PM20D1: variants seen among roughly 807,000 people sequenced by gnomAD.
The protein encoded by PM20D1 is peptidase M20 domain containing 1, also known as N-fatty-acyl-amino acid synthase/hydrolase PM20D1.
Under a neutral mutation model 53.8 loss-of-function variants are expected in PM20D1, and 53 were observed. That is an observed-to-expected ratio of 0.98 (90% confidence interval 0.79 to 1.24). PM20D1 has a LOEUF of 1.24. PM20D1 is among the 50% of genes most tolerant of loss of function. The pLI is 0.00. For missense variants in PM20D1, 564 were observed against 616.8 expected (o/e 0.91, Z 0.91); for synonymous variants, 239 against 241.3 (o/e 0.99, Z 0.09).
chr1:205,828,692 C>G lies in PM20D1; in HGVS notation c.1437G>C (p.Val479=), dbSNP rs775177693. The change falls in exon 13 of 13, where the codon GTG becomes GTC. Residue 479 remains valine (V), a synonymous_variant. Coordinates refer to ENST00000367136, the MANE Select transcript of PM20D1 (RefSeq NM_152491.5). ...TCTGAATCAACTCAAAGATGAATTT[C>G]ACTTGGGTCTCATAGGCTTGGACTG... ...KISVQAYETQ[V]KFIFELIQNA... The G allele has an allele frequency of 6.2e-7, 1 of 1,614,164 alleles. No homozygotes were observed. The highest frequency in any genetic ancestry group is 1.1e-5 in the South Asian group (1 of 91,076).
At chr1:205,838,755 T>C (rs1411938079) in intron 10 of PM20D1, among the ~76,000 whole-genome samples, 1 of 152,248 alleles carries the variant, frequency 6.6e-6, no homozygotes. Context: ...GAACTTGTTT[T>C]AATTTCTGAA....
intron 2 of PM20D1, among the ~76,000 whole-genome samples, chr1:205,846,614 T>A (rs1046994009): frequency 2.2e-4 from 34 of 151,988 alleles, no homozygotes; most frequent in African/African-American, 8.2e-4. Context: ...TTCAGAGACA[T>A]TTTTCTTTTT....
Position 205,841,831 on chromosome 1 carries a change from T to C in PM20D1, c.1024A>G (p.Ile342Val), listed in dbSNP as rs1156529808. The part of the protein sequence containing the change: ...AIIRTTTALT[I>V]FKAGVKFNVI... ...GTTACCTTGACCCCTGCTTTGAATA[T>C]GGTGAGTGCCGTGGTGGTCCTGATT... The change falls in exon 9 of 13, where the codon ATA (isoleucine) becomes GTA (valine). Residue 342 changes from isoleucine (I) to valine (V), a missense_variant. Coordinates refer to ENST00000367136, the MANE Select transcript of PM20D1 (RefSeq NM_152491.5). 3.8e-6 allele frequency: 6 copies of C among 1,569,880 alleles called. No individual in the cohort carries two copies. Among genetic ancestry groups the C allele is most frequent in the Non-Finnish European group, 5.2e-6 (6 of 1,154,576 alleles).
At chr1:205,833,548 C>A (rs570748529) in intron 10 of PM20D1, among the ~76,000 whole-genome samples, 1 of 152,316 alleles carries the variant, frequency 6.6e-6, no homozygotes, top group African/African-American at 2.4e-5. Flanking sequence ...CTCTTTGCTT[C>A]GTTTCCTTGG....
intron 12 of PM20D1, 103 bp downstream of exon 12, chr1:205,830,177 C>A: frequency 1.1e-6 from 1 of 894,190 alleles, no homozygotes; most frequent in South Asian, 1.6e-5. Flanking sequence ...CAAATCCTGG[C>A]TTTCCCCCTG....
intron 10 of PM20D1, among the ~76,000 whole-genome samples, chr1:205,832,973 G>A (rs745768150): frequency 2.6e-5 from 4 of 152,132 alleles, no homozygotes. Context: ...GCAACCTACA[G>A]CATGATAGAT....
At chr1:205,839,737 T>C (rs1253327805) in intron 10 of PM20D1, among the ~76,000 whole-genome samples, 1 of 150,544 alleles carries the variant, frequency 6.6e-6, no homozygotes, top group Non-Finnish European at 1.5e-5. Context: ...ATACAAAAAA[T>C]ACAAAATACT....
At chr1:205,833,101 T>C (rs921890954) in intron 10 of PM20D1, among the ~76,000 whole-genome samples, 1 of 152,188 alleles carries the variant, frequency 6.6e-6, no homozygotes, top group African/African-American at 2.4e-5. Context: ...GGCTGGAAAA[T>C]TGACTACTGG....
Position 205,850,056 on chromosome 1 carries a change from A to T in PM20D1, c.17T>A (p.Val6Asp), listed in dbSNP as rs754962618. ...CATAGCCACCAGGGCCAGCACGCAA[A>T]CGCACCGCTGAGCCATGCTTCTCTC... MAQRC[V>D]CVLALVAMLL... Residue 6 changes from valine to aspartate, a missense_variant, in exon 1 of 13, where the codon GTT becomes GAT. By Grantham distance (152) the Val-to-Asp change is radical (BLOSUM62 -3). Coordinates refer to ENST00000367136, the MANE Select transcript of PM20D1 (RefSeq NM_152491.5). 3.1e-6 allele frequency: 5 copies of T among 1,613,810 alleles called. No individual in the cohort carries two copies. Among genetic ancestry groups the T allele is most frequent in the Admixed American group, 1.7e-5 (1 of 60,004 alleles).
In PM20D1 at chr1:205,847,912, C is replaced by G; in HGVS notation, c.229G>C (p.Ala77Pro). 1 of 1,600,826 alleles carries G rather than the reference C, an allele frequency of 6.2e-7. No homozygotes were observed. The highest frequency in any genetic ancestry group is 8.5e-7 in the Non-Finnish European group (1 of 1,170,106). ...SSEKSNTTAL[A>P]EFGKYIHKVF... ...TTATGAATGTATTTTCCGAACTCAG[C>G]CAGGGCTGTAGTATTGGACTTCTCA... The change falls in exon 2 of 13, where the codon GCT (alanine) becomes CCT (proline). Residue 77 changes from alanine (A) to proline (P), a missense_variant. By Grantham distance (27) the Ala-to-Pro change is conservative (BLOSUM62 -1). Coordinates refer to ENST00000367136, the MANE Select transcript of PM20D1 (RefSeq NM_152491.5).
chr1:205,830,222 AG>A, intron 12 of PM20D1, 57 bp downstream of exon 12: 1 of 1,307,372 alleles, frequency 7.6e-7, no homozygotes. Context: ...GGGTAGGAAA[AG>A]GACACATCAA....
At chr1:205,842,651 G>A (rs1453254711) in intron 7 of PM20D1, 25 bp downstream of exon 7, 4 of 1,606,984 alleles carry the variant, frequency 2.5e-6, no homozygotes, top group Non-Finnish European at 3.4e-6. Context: ...AGCTGATTAG[G>A]AGTATGTGAT....
chr1:205,846,083 C>CAAA (rs55675463), intron 2 of PM20D1, among the ~76,000 whole-genome samples: 1 of 119,650 alleles, frequency 8.4e-6, no homozygotes, highest in African/African-American at 3.1e-5. Context: ...AACTCCATCT[C>CAAA]AAAAAAAAAA....
chr1:205,845,578 AAG>A, intron 2 of PM20D1, 21 bp from the exon 3 acceptor site: 1 of 1,590,252 alleles, frequency 6.3e-7, no homozygotes, highest in Non-Finnish European at 8.6e-7. Context: ...AAAGGGCAGG[AAG>A]AGAGAACCAG....
At chr1:205,846,066 A>G (rs536831793) in intron 2 of PM20D1, among the ~76,000 whole-genome samples, 7 of 144,228 alleles carry the variant, frequency 4.9e-5, no homozygotes, top group Non-Finnish European at 9.1e-5. Flanking sequence ...GTGGGTGACA[A>G]GAGCAAAACT....
intron 10 of PM20D1, among the ~76,000 whole-genome samples, chr1:205,836,431 C>A (rs1395480782): frequency 1.3e-5 from 2 of 152,204 alleles, no homozygotes; most frequent in Non-Finnish European, 2.9e-5. Context: ...TCACTGCATG[C>A]TATATACCAT....
intron 2 of PM20D1, among the ~76,000 whole-genome samples, chr1:205,846,770 C>T (rs1419122831): frequency 1.3e-5 from 2 of 152,054 alleles, no homozygotes; most frequent in African/African-American, 2.4e-5. Flanking sequence ...TAAATTTTAT[C>T]TCTCTCTGGG....
intron 9 of PM20D1, 104 bp downstream of exon 9, chr1:205,841,707 G>T: frequency 8.4e-7 from 1 of 1,196,400 alleles, no homozygotes; most frequent in Non-Finnish European, 1.2e-6. Flanking sequence ...CTTGGATCCA[G>T]CTGACACACA....
At chr1:205,839,622 G>A (rs570579871) in intron 10 of PM20D1, among the ~76,000 whole-genome samples, 200 of 152,090 alleles carry the variant, frequency 1.3e-3, no homozygotes, top group Non-Finnish European at 2.4e-3. Flanking sequence ...GAGGCGGGTG[G>A]CTCACAAGGT....
Sources: gnomAD v4.1 joint callset for allele counts (sites outside exome capture counted in the v4.1 genomes callset) on GRCh38, gnomAD v4.1.1 for gene constraint, MANE v1.5 for transcripts, NCBI Gene and HGNC (gene_info 2026-07-23, HGNC 2026-07-21) for gene names.